Variants in STK40 observed in about 807,000 individuals in gnomAD.
The protein encoded by STK40 is serine/threonine kinase 40.
Under a neutral mutation model 47.9 loss-of-function variants are expected in STK40, and 13 were observed. The observed-to-expected ratio is 0.27, with a 90% CI of 0.18 to 0.43. The LOEUF (loss-of-function observed/expected upper bound fraction) is 0.43, where lower values mean the gene tolerates loss of function less well. STK40 is among the 20% of genes least tolerant of loss of function. The pLI is 1.00. For synonymous variants in STK40, 225 were observed against 243.2 expected, an observed-to-expected ratio of 0.93 and a Z score of 0.69; for missense variants, 460 against 595.1, an observed-to-expected ratio of 0.77 and a Z score of 2.36.
In STK40 at chr1:36,373,009, T is replaced by G. The variant is rs528300261; in HGVS notation, c.-8-11669A>C. On this transcript the variant is annotated intron_variant, in intron 1 of 10. Transcript: ENST00000373132. Reference sequence around the variant, plus strand: ...TCAGAGAACCAAGGGTTTCAAGCCATGGACAAGTTACGCAAATGCCAACTG... The same window carrying G: ...TCAGAGAACCAAGGGTTTCAAGCCAGGGACAAGTTACGCAAATGCCAACTG... Among the ~76,000 whole-genome samples, 10 of 152,164 alleles carry G rather than the reference T, an allele frequency of 6.6e-5. No homozygotes were observed. The South Asian group carries it at 8.3e-4, about 13-fold the overall frequency.
chr1:36,340,851 T>C lies in STK40; in HGVS notation c.*904A>G. The C allele has an allele frequency of 6.6e-6, 1 of 152,544 alleles. No individual in the cohort carries two copies. The highest frequency in any genetic ancestry group is 1.5e-5 in the Non-Finnish European group (1 of 68,216). The allele number at this position is 152,544 out of a possible 1,614,324, so 9.4% of individuals were successfully genotyped here. ...GGCAGCCCCCGCTCACGGCCAGGCC[T>C]GCAGCCCAACCCATGGGCCCCTTCG... On this transcript the variant is annotated 3_prime_UTR_variant, in exon 11 of 11. Transcript: ENST00000373132.
rs1646783378 is a variant in STK40, at chr1:36,354,294, T to G, written c.623+70A>C. The G allele has an allele frequency of 2.6e-6, 4 of 1,548,650 alleles. No homozygotes were observed. The South Asian group carries it at 4.5e-5, about 17-fold the overall frequency. ...TCCTCATGAGGACACTTCAGGGCAC[T>G]GGAGAGTTGCAATGTGTAGCCTGCC... On this transcript the variant is annotated intron_variant, in intron 6 of 10. Coordinates refer to ENST00000373132, the MANE Select transcript of STK40 (RefSeq NM_001282547.2).
At position 36,361,319 on chromosome 1, in the gene STK40, G is replaced by A. The variant is rs962726741; in HGVS notation, c.14C>T (p.Ala5Val). The A allele has an allele frequency of 6.2e-7, 1 of 1,614,230 alleles. No individual in the cohort carries two copies. Among genetic ancestry groups the A allele is most frequent in the Non-Finnish European group, 8.5e-7 (1 of 1,180,038 alleles). Residue 5 changes from alanine (A) to valine (V), a missense_variant, in exon 2 of 11, where the codon GCA becomes GTA. Ala to Val is a moderately conservative substitution (Grantham distance 64). Around this residue, in one of 3 missense-constraint regions of STK40, gnomAD observed 277 missense variants for 358.7 expected, o/e 0.77. Coordinates refer to ENST00000373132, the MANE Select transcript of STK40 (RefSeq NM_001282547.2). Reference sequence around the variant, plus strand: ...CGTTTCCCCAGCTCCTCTGTCTGATGCTCTCCGCTTCATTCTCAGCTCTAG... The same window carrying A: ...CGTTTCCCCAGCTCCTCTGTCTGATACTCTCCGCTTCATTCTCAGCTCTAG... MKRR[A>V]SDRGAGETSA...
At chr1:36,361,746 G>T (rs549583191) in intron 1 of STK40, among the ~76,000 whole-genome samples, 1 of 152,066 alleles carries the variant, frequency 6.6e-6, no homozygotes, top group African/African-American at 2.4e-5. Context: ...GTGAGCAACT[G>T]TTCCCAAAGT....
At chr1:36,360,319 C>A (rs1646840706) in intron 2 of STK40, among the ~76,000 whole-genome samples, 1 of 152,154 alleles carries the variant, frequency 6.6e-6, no homozygotes, top group Non-Finnish European at 1.5e-5. Context: ...TGACTATAAG[C>A]AATTTGGACT....
At chr1:36,346,738 T>C (rs767383485) in intron 7 of STK40, among the ~76,000 whole-genome samples, 5 of 152,198 alleles carry the variant, frequency 3.3e-5, no homozygotes, top group Non-Finnish European at 5.9e-5. Flanking sequence ...ACCAGAAGGA[T>C]AGGCTGCTGG....
At chr1:36,381,395 C>T (rs1171428733) in intron 1 of STK40, among the ~76,000 whole-genome samples, 4 of 152,180 alleles carry the variant, frequency 2.6e-5, no homozygotes, top group Non-Finnish European at 4.4e-5. Context: ...CACAAATTAC[C>T]ACATATCCGT....
chr1:36,341,859 G>A lies in STK40; in HGVS notation c.1204C>T (p.Arg402Trp), dbSNP rs775387498. Residue 402 changes from arginine to tryptophan, a missense_variant, in exon 11 of 11, where the codon CGG (arginine) becomes TGG (tryptophan). This residue lies in a region of STK40 where 181 missense variants were observed against 218.9 expected (regional missense o/e 0.83). Transcript: ENST00000373132. Reference sequence around the variant, plus strand: ...ACCGGTGGTGCGCTGCCGAACTGCCGCTTGGGTACCCAGCTCCGGGCGTCA... The same window carrying A: ...ACCGGTGGTGCGCTGCCGAACTGCCACTTGGGTACCCAGCTCCGGGCGTCA... ...IHDARSWVPK[R>W]QFGSAPPVRR... 21 of 1,613,904 alleles carry A rather than the reference G, an allele frequency of 1.3e-5. No homozygotes were observed. The highest frequency in any genetic ancestry group is 4.4e-5 in the South Asian group (4 of 91,076).
At position 36,357,868 on chromosome 1, in the gene STK40, G is replaced by GC. The variant is rs1646818716; in HGVS notation, c.342+370dup. Among the ~76,000 whole-genome samples the GC allele has an allele frequency of 2.0e-5, 3 of 152,278 alleles. No individual in the cohort carries two copies. In the South Asian group the frequency reaches 6.2e-4, roughly 32 times the overall value. ...CTGACCTTGTGATCTGCCCACCTCG[G>GC]CTTCCCACGTTGCTGGGATTACAGT... is the stretch of plus-strand genomic sequence containing the variant. On this transcript the variant is annotated intron_variant, in intron 4 of 10. Coordinates refer to ENST00000373132, the MANE Select transcript of STK40 (RefSeq NM_001282547.2).
intron 1 of STK40, chr1:36,366,154 C>T (rs1646899798): frequency 6.6e-6 from 1 of 152,324 alleles, no homozygotes; most frequent in African/African-American, 2.4e-5. Flanking sequence ...AGGCGCGTAA[C>T]ATCTGTGTAG....
intron 1 of STK40, among the ~76,000 whole-genome samples, chr1:36,380,349 C>T (rs966389506): frequency 6.6e-6 from 1 of 152,246 alleles, no homozygotes; most frequent in Non-Finnish European, 1.5e-5. Flanking sequence ...GCACACCCCT[C>T]ACTATAGTCC....
chr1:36,385,677 C>G (rs1226266451), intron 1 of STK40, 46 bp downstream of exon 1: 1 of 153,848 alleles, frequency 6.5e-6, no homozygotes, highest in Non-Finnish European at 1.4e-5. Flanking sequence ...GCCCCGCCTA[C>G]CCGCAACCCC....
At chr1:36,353,392 C>T (rs1191013527) in intron 6 of STK40, among the ~76,000 whole-genome samples, 5 of 152,166 alleles carry the variant, frequency 3.3e-5, no homozygotes, top group African/African-American at 1.2e-4. Flanking sequence ...GTAGCACTGT[C>T]CCAGATCACT....
At chr1:36,343,027 G>A (rs1193274737) in intron 10 of STK40, 1 of 600,596 alleles carries the variant, frequency 1.7e-6, no homozygotes, top group Admixed American at 3.0e-5. Context: ...AAAGCAGGAA[G>A]GGTGAGAGAG....
chr1:36,358,481 C>T (rs993742140), intron 3 of STK40, 99 bp from the exon 4 acceptor site: 1 of 1,466,546 alleles, frequency 6.8e-7, no homozygotes, highest in African/African-American at 1.4e-5. Context: ...TACCACATGA[C>T]ATTTGTGCAC....
chr1:36,383,579 C>T (rs976905519), intron 1 of STK40, among the ~76,000 whole-genome samples: 1 of 152,214 alleles, frequency 6.6e-6, no homozygotes, highest in African/African-American at 2.4e-5. Flanking sequence ...TTCAGTCGCT[C>T]CTGTCCTCCT....
chr1:36,351,380 TG>T (rs1413868435), intron 6 of STK40, among the ~76,000 whole-genome samples: 1 of 151,892 alleles, frequency 6.6e-6, no homozygotes, highest in Non-Finnish European at 1.5e-5. Context: ...CCTGGCATGA[TG>T]GGTGGGAAGG....
chr1:36,354,224 C>G (rs972926121), intron 6 of STK40, 140 bp downstream of exon 6: 2 of 873,366 alleles, frequency 2.3e-6, no homozygotes, highest in Admixed American at 4.2e-5. Context: ...CATCCCATCC[C>G]GAGCCCTGGG....
chr1:36,360,811 G>A (rs866573310), intron 2 of STK40, among the ~76,000 whole-genome samples: 2 of 152,144 alleles, frequency 1.3e-5, no homozygotes, highest in Admixed American at 6.5e-5. Flanking sequence ...GAAAAGTGCT[G>A]GGATTACATA....
Sources: gnomAD v4.1 joint callset for allele counts (sites outside exome capture counted in the v4.1 genomes callset) on GRCh38, gnomAD v4.1.1 for gene constraint, gnomAD v4.1.1 regional missense constraint, MANE v1.5 for transcripts, NCBI Gene and HGNC (gene_info 2026-07-23, HGNC 2026-07-21) for gene names.